CCDC178: variants seen among roughly 807,000 people sequenced by gnomAD.
CCDC178 encodes coiled-coil domain-containing protein 178.
CCDC178 carries 126 observed loss-of-function variants against 117.4 expected under a neutral mutation model. That is an observed-to-expected ratio of 1.07 (90% confidence interval 0.93 to 1.24). The LOEUF (loss-of-function observed/expected upper bound fraction) is 1.24, where lower values mean the gene tolerates loss of function less well. Among genes scored for constraint, CCDC178 ranks in the 50% most tolerant of loss-of-function variants. CCDC178 has a pLI of 0.00. For missense variants in CCDC178, 1,030 were observed against 986.9 expected, an observed-to-expected ratio of 1.04 and a Z score of -0.59; for synonymous variants, 283 against 313.4, an observed-to-expected ratio of 0.90 and a Z score of 1.02.
intron 21 of CCDC178, among the ~76,000 whole-genome samples, chr18:33,026,631 A>G (rs2056235265): frequency 6.6e-6 from 1 of 152,014 alleles, no homozygotes; most frequent in Non-Finnish European, 1.5e-5. Context: ...AAGAAAAAGT[A>G]TATTACGTTT....
intron 20 of CCDC178, among the ~76,000 whole-genome samples, chr18:33,191,876 A>G (rs1462701457): frequency 6.6e-6 from 1 of 152,284 alleles, no homozygotes; most frequent in African/African-American, 2.4e-5. Flanking sequence ...GTGATGATAT[A>G]TTATCAACTC....
intron 2 of CCDC178, among the ~76,000 whole-genome samples, chr18:33,415,520 G>C (rs2063926238): frequency 6.6e-6 from 1 of 150,866 alleles, no homozygotes; most frequent in African/African-American, 2.4e-5. Flanking sequence ...ATGGACACAG[G>C]AAGGGGGACA....
chr18:33,196,590 G>A (rs972147386), intron 20 of CCDC178, among the ~76,000 whole-genome samples: 3 of 152,128 alleles, frequency 2.0e-5, no homozygotes, highest in Non-Finnish European at 4.4e-5. Context: ...GGTGGGGACT[G>A]TGCTCTCTGG....
At chr18:33,421,107 A>G (rs1466223840) in intron 2 of CCDC178, among the ~76,000 whole-genome samples, 2 of 152,196 alleles carry the variant, frequency 1.3e-5, no homozygotes, top group Non-Finnish European at 2.9e-5. Context: ...TAACTGAAGG[A>G]ATGTGCCAAA....
chr18:33,396,991 T>G (rs535732072), intron 4 of CCDC178, among the ~76,000 whole-genome samples, 158 bp downstream of exon 4: 1 of 152,290 alleles, frequency 6.6e-6, no homozygotes, highest in Non-Finnish European at 1.5e-5. Flanking sequence ...AGATAAGTAT[T>G]TTTTTAAAGA....
chr18:33,440,818 G>C (rs1185726177), upstream of CCDC178: 1 of 154,092 alleles, frequency 6.5e-6, no homozygotes, highest in Admixed American at 6.5e-5. Flanking sequence ...CTCCTGGCTC[G>C]AGCCCTTAGC....
intron 4 of CCDC178, among the ~76,000 whole-genome samples, chr18:33,390,059 G>C (rs1282372544): frequency 6.7e-6 from 1 of 148,712 alleles, no homozygotes; most frequent in Non-Finnish European, 1.5e-5. Flanking sequence ...GTTAACTATT[G>C]ATATGTAGGA....
At chr18:32,984,932 T>A (rs1242516603) in intron 21 of CCDC178, among the ~76,000 whole-genome samples, 1 of 151,948 alleles carries the variant, frequency 6.6e-6, no homozygotes, top group Admixed American at 6.6e-5. Context: ...ATGGTCTAAG[T>A]TGGCACTTTC....
chr18:33,320,183 A>G (rs2062485637), intron 11 of CCDC178, among the ~76,000 whole-genome samples: 1 of 152,200 alleles, frequency 6.6e-6, no homozygotes. Flanking sequence ...AAACTGGCAC[A>G]AGACAGGGAT....
At chr18:33,369,832 G>GA (rs968039159) in intron 6 of CCDC178, among the ~76,000 whole-genome samples, 6 of 151,918 alleles carry the variant, frequency 3.9e-5, no homozygotes, top group South Asian at 2.1e-4. Context: ...AACAGGTAGG[G>GA]AAAAAAACAT....
intron 5 of CCDC178, among the ~76,000 whole-genome samples, chr18:33,389,186 AC>A (rs1366360848): frequency 6.6e-6 from 1 of 152,038 alleles, no homozygotes; most frequent in South Asian, 2.1e-4. Flanking sequence ...TGAAAAATAC[AC>A]CCCCAAAAAC....
intron 4 of CCDC178, among the ~76,000 whole-genome samples, chr18:33,396,026 C>T (rs548609330): frequency 8.6e-5 from 13 of 151,726 alleles, no homozygotes; most frequent in South Asian, 4.2e-4. Context: ...AAGGCATAAA[C>T]GTAAAAAAAA....
chr18:32,976,124 A>G (rs2055022944), intron 21 of CCDC178, among the ~76,000 whole-genome samples: 1 of 152,166 alleles, frequency 6.6e-6, no homozygotes, highest in Non-Finnish European at 1.5e-5. Flanking sequence ...ATGCTGAATT[A>G]CATTGTCCAG....
At chr18:33,108,282 T>C (rs369119123) in intron 20 of CCDC178, among the ~76,000 whole-genome samples, 95 of 148,300 alleles carry the variant, frequency 6.4e-4, no homozygotes, top group African/African-American at 2.3e-3. Flanking sequence ...TTTTCTGTCA[T>C]GTTTTTATAT....
chr18:33,023,409 T>C (rs1231075628), intron 21 of CCDC178, among the ~76,000 whole-genome samples: 1 of 152,134 alleles, frequency 6.6e-6, no homozygotes, highest in Non-Finnish European at 1.5e-5. Flanking sequence ...TAGAGTTCCA[T>C]ATGAGAGTGT....
intron 22 of CCDC178, among the ~76,000 whole-genome samples, chr18:32,952,362 AT>A (rs959999267): frequency 1.3e-5 from 2 of 152,208 alleles, no homozygotes; most frequent in African/African-American, 4.8e-5. Flanking sequence ...CCAAACCTCA[AT>A]TCTTGACTTC....
In CCDC178 at chr18:33,323,555, G is replaced by A. The variant is rs765016210; in HGVS notation, c.958C>T (p.Gln320Ter). The change falls in exon 11 of 23, where the codon CAG (glutamine) becomes TAG (stop). Residue 320 changes from glutamine (Q) to a stop codon, truncating the protein, a stop_gained. Transcript: ENST00000383096. LOFTEE classifies it high-confidence loss of function. ...TTATCAATCTCTTCTTTAATTTGCT[G>A]AGCCTTCAATCTGGCATTTTCACAG... is the stretch of plus-strand genomic sequence containing the variant. ...EACENARLKA[Q>*]QIKEEIDKDI... The A allele has an allele frequency of 6.4e-6, 10 of 1,574,750 alleles. No homozygotes were observed. Among genetic ancestry groups the A allele is most frequent in the Non-Finnish European group, 8.6e-6 (10 of 1,159,738 alleles).
chr18:33,434,102 A>G (rs1371333598), intron 2 of CCDC178, among the ~76,000 whole-genome samples: 3 of 152,136 alleles, frequency 2.0e-5, no homozygotes, highest in Non-Finnish European at 4.4e-5. Context: ...TGGAAAATTA[A>G]GCTTTCCACT....
chr18:32,995,426 G>A (rs1368080281), intron 21 of CCDC178, among the ~76,000 whole-genome samples: 1 of 151,766 alleles, frequency 6.6e-6, no homozygotes, highest in Non-Finnish European at 1.5e-5. Flanking sequence ...GATACTCAAG[G>A]AAATAAAATC....
Sources: gnomAD v4.1 joint callset for allele counts (sites outside exome capture counted in the v4.1 genomes callset) on GRCh38, gnomAD v4.1.1 for gene constraint, MANE v1.5 for transcripts, NCBI Gene and HGNC (gene_info 2026-07-23, HGNC 2026-07-21) for gene names.